The following KLRG1 variants were observed in gnomAD, a reference collection of about 807,000 sequenced individuals.
KLRG1 encodes the protein killer cell lectin like receptor G1.
Under a neutral mutation model 21.8 loss-of-function variants are expected in KLRG1, and 16 were observed. The ratio of observed to expected loss-of-function variants is 0.73; its 90% CI spans 0.50 to 1.11. KLRG1 has a LOEUF of 1.11. KLRG1 is among the 50% of genes most tolerant of loss of function. KLRG1 has a pLI of 0.00. For missense variants in KLRG1, 173 were observed against 218.3 expected, an observed-to-expected ratio of 0.79 and a Z score of 1.31; for synonymous variants, 69 against 75.9, an observed-to-expected ratio of 0.91 and a Z score of 0.47.
the KLRG1 span, chr12:9,072,893 G>C: frequency 1.9e-6 from 3 of 1,600,790 alleles, no homozygotes; most frequent in African/African-American, 2.7e-5. Context: ...AGATGAGTGA[G>C]AGAACCCATT....
chr12:9,128,591 C>T, the KLRG1 span: 1 of 152,222 alleles, frequency 6.6e-6, no homozygotes, highest in South Asian at 2.1e-4. Context: ...CCGCATCCTG[C>T]TCGAGCGCCA....
chr12:9,090,399 G>A, the KLRG1 span: 20 of 1,613,898 alleles, frequency 1.2e-5, no homozygotes, highest in South Asian at 7.7e-5. Flanking sequence ...TTTGCCGCCC[G>A]TTTGCACAGA....
the KLRG1 span, chr12:9,069,706 A>T: frequency 6.5e-7 from 1 of 1,532,086 alleles, no homozygotes. Flanking sequence ...GAGGATTATT[A>T]TCTACGTTTT....
chr12:8,980,219 C>G, intron 1 of KLRG1, among the ~76,000 whole-genome samples: 1 of 151,754 alleles, frequency 6.6e-6, no homozygotes, highest in East Asian at 1.9e-4. Context: ...ATGCCTGGCC[C>G]TGTTTTTTTT....
At chr12:8,975,736 T>C (rs760867198) in intron 1 of KLRG1, among the ~76,000 whole-genome samples, 11 of 152,148 alleles carry the variant, frequency 7.2e-5, no homozygotes, top group Non-Finnish European at 1.3e-4. Context: ...CTAATTTTTG[T>C]ATTTCAGTAG....
chr12:9,091,357 G>A, the KLRG1 span: 7 of 1,614,202 alleles, frequency 4.3e-6, no homozygotes, highest in Non-Finnish European at 5.9e-6. Flanking sequence ...CTTCAGACAG[G>A]CAGAAGGCCC....
chr12:8,978,640 T>TTTCC (rs1555140709), intron 1 of KLRG1, among the ~76,000 whole-genome samples: 1 of 107,806 alleles, frequency 9.3e-6, no homozygotes, highest in Non-Finnish European at 2.2e-5. Context: ...TTTTTCTTTC[T>TTTCC]TTTCTTTCTT....
the KLRG1 span, among the ~76,000 whole-genome samples, chr12:9,039,344 A>T: frequency 2.0e-5 from 3 of 152,380 alleles, no homozygotes; most frequent in East Asian, 1.9e-4. Flanking sequence ...TCCTTCTCTG[A>T]TGACTTTACA....
At chr12:9,084,506 C>T in the KLRG1 span, among the ~76,000 whole-genome samples, 84,106 of 151,810 alleles carry the variant, frequency 0.55, 24,927 homozygotes, top group African/African-American at 0.76. Flanking sequence ...ACTGTAAACC[C>T]CATAGTAACA....
the KLRG1 span, chr12:9,076,831 C>T: frequency 6.2e-7 from 1 of 1,614,074 alleles, no homozygotes; most frequent in Middle Eastern, 1.7e-4. Flanking sequence ...AGGGCAAAAG[C>T]ATAGGCCAGC....
chr12:9,160,174 C>T, the KLRG1 span: 1 of 1,103,930 alleles, frequency 9.1e-7, no homozygotes, highest in Non-Finnish European at 1.3e-6. Flanking sequence ...AGATCAAACA[C>T]AACATCCTAT....
At chr12:9,077,802 CG>C in the KLRG1 span, 1 of 1,614,146 alleles carries the variant, frequency 6.2e-7, no homozygotes, top group Non-Finnish European at 8.5e-7. Context: ...TGTGCTTCAT[CG>C]ATGAAGATGT....
chr12:9,036,790 T>C, the KLRG1 span: 1 of 406,144 alleles, frequency 2.5e-6, no homozygotes, highest in Non-Finnish European at 4.9e-6. Flanking sequence ...GGACCTGCAA[T>C]CTATGCTTCA....
chr12:9,014,395 A>G (rs1947671759), downstream of KLRG1, among the ~76,000 whole-genome samples: 2 of 152,190 alleles, frequency 1.3e-5, no homozygotes, highest in African/African-American at 4.8e-5. Flanking sequence ...AGGAGCTCCA[A>G]TATGTCTGAC....
chr12:9,081,946 T>C, the KLRG1 span, among the ~76,000 whole-genome samples: 676 of 152,306 alleles, frequency 4.4e-3, 9 homozygotes, highest in African/African-American at 0.015. Context: ...TCTGCAAAAC[T>C]GAGCTGGTCA....
the KLRG1 span, chr12:9,154,790 C>T: frequency 6.2e-7 from 1 of 1,613,928 alleles, no homozygotes; most frequent in Non-Finnish European, 8.5e-7. Context: ...GGTAAAGATG[C>T]CCCACTGGTG....
chr12:9,095,620 A>ATTG, the KLRG1 span: 2 of 1,611,548 alleles, frequency 1.2e-6, no homozygotes, highest in East Asian at 4.5e-5. Flanking sequence ...CATTATGACG[A>ATTG]TTGATGCAGT....
the KLRG1 span, among the ~76,000 whole-genome samples, chr12:9,037,629 G>A: frequency 6.6e-6 from 1 of 152,182 alleles, no homozygotes; most frequent in African/African-American, 2.4e-5. Context: ...ACCACTCACT[G>A]ACTCACCCAG....
At chr12:9,047,126 T>G in the KLRG1 span, among the ~76,000 whole-genome samples, 1 of 152,260 alleles carries the variant, frequency 6.6e-6, no homozygotes, top group African/African-American at 2.4e-5. Flanking sequence ...AGCATTGGGA[T>G]TACAGGCATG....
Sources: allele counts gnomAD v4.1 joint callset (sites outside exome capture counted in the v4.1 genomes callset), GRCh38; gene constraint gnomAD v4.1.1; transcripts MANE v1.5; gene names NCBI Gene and HGNC (gene_info 2026-07-23, HGNC 2026-07-21).